SIK2: variants seen among roughly 807,000 people sequenced by gnomAD.
The protein encoded by SIK2 is serine/threonine-protein kinase SIK2.
In SIK2, 29 loss-of-function variants were observed where a neutral mutation model predicts 103.2. The observed-to-expected ratio is 0.28, with a 90% CI of 0.21 to 0.38. The LOEUF is 0.38. Among genes scored for constraint, SIK2 ranks in the 10% least tolerant of loss-of-function variants. The pLI, the probability that SIK2 is intolerant of heterozygous loss-of-function variation, is 1.00. For missense variants in SIK2, 879 were observed against 1,171.0 expected, an observed-to-expected ratio of 0.75 and a Z score of 3.64; for synonymous variants, 412 against 446.1, an observed-to-expected ratio of 0.92 and a Z score of 0.96.
At chr11:111,660,287 G>T (rs1233592159) in intron 3 of SIK2, among the ~76,000 whole-genome samples, 3 of 152,100 alleles carry the variant, frequency 2.0e-5, no homozygotes, top group South Asian at 4.2e-4. Flanking sequence ...GGGTGGAAGG[G>T]AATGGCAGTC....
chr11:111,694,192 G>A (rs1943016344), intron 4 of SIK2, among the ~76,000 whole-genome samples: 1 of 152,020 alleles, frequency 6.6e-6, no homozygotes, highest in Non-Finnish European at 1.5e-5. Flanking sequence ...TGAAAACAAA[G>A]CCTTAAAATT....
intron 3 of SIK2, chr11:111,671,882 G>A (rs553910999): frequency 2.2e-5 from 9 of 417,342 alleles, no homozygotes; most frequent in African/African-American, 4.1e-5. Context: ...CTGCCCCTGC[G>A]TATCACCAAG....
chr11:111,640,722 ATTTTTTTTTTT>A (rs58052684), intron 3 of SIK2, among the ~76,000 whole-genome samples: 9 of 65,944 alleles, frequency 1.4e-4, no homozygotes, highest in South Asian at 8.6e-4. Context: ...GAAACAGGCA[ATTTTTTTTTTT>A]TTTTTTTTTT....
chr11:111,635,415 G>A (rs1942094973), intron 3 of SIK2, among the ~76,000 whole-genome samples: 1 of 140,498 alleles, frequency 7.1e-6, no homozygotes, highest in Admixed American at 7.0e-5. Context: ...GAAGGAAGGA[G>A]GGAGGGAGGG....
chr11:111,702,864 A>AT (rs1943249835), intron 6 of SIK2, among the ~76,000 whole-genome samples: 1 of 152,068 alleles, frequency 6.6e-6, no homozygotes, highest in African/African-American at 2.4e-5. Context: ...CTGAGGATCG[A>AT]TTTATTATTT....
intron 1 of SIK2, among the ~76,000 whole-genome samples, chr11:111,613,415 T>C (rs1941756601): frequency 6.6e-6 from 1 of 152,162 alleles, no homozygotes; most frequent in South Asian, 2.1e-4. Flanking sequence ...AATTGTAGGG[T>C]AAGACATTTT....
At chr11:111,616,097 T>G (rs1039412486) in intron 1 of SIK2, 146 bp from the exon 2 acceptor site, 1 of 595,718 alleles carries the variant, frequency 1.7e-6, no homozygotes, top group Admixed American at 2.9e-5. Flanking sequence ...AAATATTTGT[T>G]GAATGAATGA....
Position 111,713,446 on chromosome 11 carries a change from G to A in SIK2, c.1266+1071G>A, listed in dbSNP as rs182345458. Among the ~76,000 whole-genome samples the A allele has an allele frequency of 2.7e-3, 406 of 150,938 alleles. 2 individuals carry two copies. Among genetic ancestry groups the A allele is most frequent in the African/African-American group, 9.7e-3 (389 of 40,304 alleles). On this transcript the variant is annotated intron_variant, in intron 9 of 14. Coordinates refer to ENST00000304987, the MANE Select transcript of SIK2 (RefSeq NM_015191.3). ...AACCTCAGTTTTCTCTTATATAAAA[G>A]GAGAACACCAACTTTATGAGACTAT...
chr11:111,675,398 G>A (rs1291394051), intron 3 of SIK2, among the ~76,000 whole-genome samples: 1 of 152,222 alleles, frequency 6.6e-6, no homozygotes, highest in Admixed American at 6.5e-5. Context: ...ATGTACTACA[G>A]CAGTATTTCA....
chr11:111,618,659 G>C (rs904470841), intron 2 of SIK2, among the ~76,000 whole-genome samples: 1 of 152,118 alleles, frequency 6.6e-6, no homozygotes, highest in Non-Finnish European at 1.5e-5. Context: ...GGATAACACA[G>C]AGATCCCATC....
intron 4 of SIK2, among the ~76,000 whole-genome samples, chr11:111,699,782 A>G (rs1030886090): frequency 2.0e-5 from 3 of 152,220 alleles, no homozygotes; most frequent in Non-Finnish European, 4.4e-5. Context: ...CCTGCTGACT[A>G]AGTGTATTTA....
At chr11:111,631,329 CAG>C (rs1464100244) in intron 3 of SIK2, among the ~76,000 whole-genome samples, 1 of 152,088 alleles carries the variant, frequency 6.6e-6, no homozygotes, top group Non-Finnish European at 1.5e-5. Context: ...ATATGATTGT[CAG>C]GGGATGAATA....
chr11:111,621,539 A>T (rs1181397893), intron 3 of SIK2, among the ~76,000 whole-genome samples: 1 of 152,200 alleles, frequency 6.6e-6, no homozygotes, highest in East Asian at 1.9e-4. Flanking sequence ...GTTTTTGGCT[A>T]TTATACATAA....
intron 3 of SIK2, among the ~76,000 whole-genome samples, chr11:111,662,106 G>A (rs1283614165): frequency 6.6e-6 from 1 of 152,196 alleles, no homozygotes; most frequent in Non-Finnish European, 1.5e-5. Context: ...GTGTTCTTGA[G>A]CAGAGGAATG....
Position 111,719,985 on chromosome 11 carries a change from G to A in SIK2, c.1477G>A (p.Val493Ile). 6.2e-7 allele frequency: 1 copy of A among 1,613,886 alleles called. No homozygotes were observed. The highest frequency in any genetic ancestry group is 1.3e-5 in the African/African-American group (1 of 75,044). Reference protein sequence around the residue: ...HTLSEVTNQLVVMPGAGKIFS... With the variant: ...HTLSEVTNQLIVMPGAGKIFS... The stretch of plus-strand genomic sequence containing the variant: ...TCTGTCAGAAGTGACCAATCAACTG[G>A]TCGTGATGCCTGGGGCAGGTACGGT... Residue 493 changes from valine to isoleucine, a missense_variant, in exon 10 of 15, where the codon GTC becomes ATC. By Grantham distance (29) the Val-to-Ile change is conservative. Coordinates refer to ENST00000304987, the MANE Select transcript of SIK2 (RefSeq NM_015191.3).
chr11:111,630,822 T>C (rs1432217639), intron 3 of SIK2, among the ~76,000 whole-genome samples: 13 of 152,120 alleles, frequency 8.5e-5, no homozygotes, highest in Admixed American at 8.5e-4. Context: ...AGGTTAAGGA[T>C]GCATGGGTGA....
intron 4 of SIK2, among the ~76,000 whole-genome samples, chr11:111,690,745 G>A (rs1942925613): frequency 6.6e-6 from 1 of 152,122 alleles, no homozygotes. Flanking sequence ...TGCTGAGGAT[G>A]ATGGTTTCCA....
chr11:111,707,827 T>G (rs1359715716), intron 8 of SIK2, among the ~76,000 whole-genome samples: 2 of 152,212 alleles, frequency 1.3e-5, no homozygotes, highest in African/African-American at 4.8e-5. Context: ...TGTGGAATCA[T>G]GCAGACCTTG....
At chr11:111,719,114 C>T (rs1943727933) in intron 9 of SIK2, among the ~76,000 whole-genome samples, 1 of 152,204 alleles carries the variant, frequency 6.6e-6, no homozygotes, top group African/African-American at 2.4e-5. Context: ...AATTTTGGGC[C>T]AGTGAGCCCT....
Sources: gnomAD v4.1 joint callset for allele counts (sites outside exome capture counted in the v4.1 genomes callset) on GRCh38, gnomAD v4.1.1 for gene constraint, MANE v1.5 for transcripts, NCBI Gene and HGNC (gene_info 2026-07-23, HGNC 2026-07-21) for gene names.